The following DNAH1 variants were observed in gnomAD, a reference collection of about 807,000 sequenced individuals.
The protein encoded by DNAH1 is axonemal beta dynein heavy chain 1.
In DNAH1, 327 loss-of-function variants were observed where a neutral mutation model predicts 484.3. That is an observed-to-expected ratio of 0.68 (90% confidence interval 0.62 to 0.74). The LOEUF is 0.74. Ranked by LOEUF, DNAH1 falls within the 30% of genes least tolerant of loss-of-function variation. The probability of loss-of-function intolerance (pLI) is 0.00; values close to 1 mark genes in which losing one functional copy is unlikely to be tolerated. For synonymous variants in DNAH1, 2,192 were observed against 2,191.9 expected (o/e 1.00, Z 0.00); for missense variants, 5,052 against 5,546.8 (o/e 0.91, Z 2.83).
intron 1 of DNAH1, among the ~76,000 whole-genome samples, chr3:52,320,251 G>A (rs944228969): frequency 6.6e-6 from 1 of 152,204 alleles, no homozygotes; most frequent in Admixed American, 6.5e-5. Context: ...AGGGTACTTC[G>A]GGAAGTGTTG....
rs1268065530 is a variant in DNAH1, at chr3:52,379,962, C to T, written c.7435C>T (p.Arg2479Ter). ...YHENCRVFRD[R>*]LVNEEDRSWF... ...CGAGAACTGCCGCGTGTTCCGGGAC[C>T]GACTGGTGAATGAGGAGGACCGCAG... Residue 2479 changes from arginine to a stop codon, truncating the protein, a stop_gained, in exon 48 of 78, where the codon CGA becomes TGA. Coordinates refer to ENST00000420323, the MANE Select transcript of DNAH1 (RefSeq NM_015512.5). LOFTEE classifies it high-confidence loss of function. This position sits in a 1 kb window ranked among gnomAD's most constrained non-coding sequence, Gnocchi z 4.4. The T allele has an allele frequency of 1.5e-5, 23 of 1,583,504 alleles. No individual in the cohort carries two copies. In the Admixed American group the frequency reaches 2.2e-4, roughly 15 times the overall value.
rs2153225157 is a variant in DNAH1 at position 52,381,750 on chromosome 3, C to T, written c.7719C>T (p.Arg2573=). ...DAMSHICRIS[R]TLRQALGNAL... ...TGAGCCACATCTGTCGCATCAGCCG[C>T]ACCCTACGCCAGGCGCTGGGCAATG... The change falls in exon 49 of 78, where the codon CGC becomes CGT. Residue 2573 remains arginine, a synonymous_variant. Transcript: ENST00000420323. This position sits in a 1 kb window ranked among gnomAD's most constrained non-coding sequence, Gnocchi z 4.1. 6.2e-7 allele frequency: 1 copy of T among 1,604,790 alleles called. No homozygotes were observed. The highest frequency in any genetic ancestry group is 8.5e-7 in the Non-Finnish European group (1 of 1,176,490).
In DNAH1 at chr3:52,349,012, T is replaced by C; in HGVS notation, c.2231T>C (p.Leu744Pro). 1 of 1,613,290 alleles carries C rather than the reference T, an allele frequency of 6.2e-7. No homozygotes were observed. Among genetic ancestry groups the C allele is most frequent in the Non-Finnish European group, 8.5e-7 (1 of 1,179,904 alleles). Residue 744 changes from leucine (L) to proline (P), a missense_variant, in exon 13 of 78, where the codon CTG becomes CCG. Physicochemically the swap from Leu to Pro is moderately conservative, Grantham distance 98. This residue lies in a region of DNAH1 where 1,263 missense variants were observed against 1,218.8 expected (regional missense o/e 1.04). Coordinates refer to ENST00000420323, the MANE Select transcript of DNAH1 (RefSeq NM_015512.5). ...ASAVSKAMIPLQAYAKEYRKY... is the reference protein window; with the variant it reads ...ASAVSKAMIPPQAYAKEYRKY... ...GCCGTGTCCAAGGCCATGATCCCACTGCAGGCCTACGCCAAGGAGTACCGA... is the reference window on the plus strand; with the variant it reads ...GCCGTGTCCAAGGCCATGATCCCACCGCAGGCCTACGCCAAGGAGTACCGA...
rs1241657830 is a variant in DNAH1, at chr3:52,355,778, C to T, written c.3693+723C>T. On this transcript the variant is annotated intron_variant, in intron 21 of 77. Transcript: ENST00000420323. This position sits in a 1 kb window ranked among gnomAD's most constrained non-coding sequence, Gnocchi z 4.5. ...TGTCCACTCGACCTGGAGTTTGACACCCGCCTTCCATCTCCTCCAAGGCCC... is the reference window on the plus strand; with the variant it reads ...TGTCCACTCGACCTGGAGTTTGACATCCGCCTTCCATCTCCTCCAAGGCCC... Among the ~76,000 whole-genome samples the T allele has an allele frequency of 6.6e-6, 1 of 152,250 alleles. No homozygotes were observed. The highest frequency in any genetic ancestry group is 1.5e-5 in the Non-Finnish European group (1 of 68,040).
At chr3:52,349,885 G>T (rs1438320488) in intron 14 of DNAH1, 104 bp from the exon 15 acceptor site, 1 of 1,464,848 alleles carries the variant, frequency 6.8e-7, no homozygotes, top group African/African-American at 1.4e-5. Flanking sequence ...TGGTGGAGGG[G>T]ACAGTTACCT....
upstream of DNAH1, among the ~76,000 whole-genome samples, chr3:52,315,259 G>A (rs929777064): frequency 3.9e-5 from 6 of 152,242 alleles, no homozygotes; most frequent in Non-Finnish European, 8.8e-5. Context: ...GGGCCCAAGA[G>A]GGAGGCTGGG....
Position 52,326,025 on chromosome 3 carries a change from A to C in DNAH1, c.407-115A>C. On this transcript the variant is annotated intron_variant, in intron 3 of 77. Coordinates refer to ENST00000420323, the MANE Select transcript of DNAH1 (RefSeq NM_015512.5). The stretch of plus-strand genomic sequence containing the variant: ...ACTGCCCAGCCACAGGCAAGCTTTG[A>C]GCTTCCCACACTCCAAAGCATACTA... The C allele has an allele frequency of 5.5e-6, 6 of 1,084,070 alleles. No individual in the cohort carries two copies. In the South Asian group the frequency reaches 1.3e-4, roughly 23 times the overall value. 67.2% of individuals were successfully genotyped at this position (1,084,070 alleles called of 1,614,324 possible).
At position 52,386,731 on chromosome 3, in the gene DNAH1, A is replaced by C. The variant is rs745558710; in HGVS notation, c.8881A>C (p.Ile2961Leu). The change falls in exon 56 of 78, where the codon ATC becomes CTC. Residue 2961 changes from isoleucine (I) to leucine (L), a missense_variant. By Grantham distance (5) the Ile-to-Leu change is conservative. Around this residue, in one of 4 missense-constraint regions of DNAH1, gnomAD observed 2,929 missense variants for 3,409.4 expected, o/e 0.86. Coordinates refer to ENST00000420323, the MANE Select transcript of DNAH1 (RefSeq NM_015512.5). The part of the protein sequence containing the change: ...VIEAVCIMKG[I>L]KPKKVPGEKP... Reference sequence around the variant, plus strand: ...AGAAGCTGTGTGCATTATGAAAGGCATCAAGCCCAAGAAGGTGCCTGGAGA... The same window carrying C: ...AGAAGCTGTGTGCATTATGAAAGGCCTCAAGCCCAAGAAGGTGCCTGGAGA... 6.3e-7 allele frequency: 1 copy of C among 1,590,540 alleles called. No homozygotes were observed. Among genetic ancestry groups the C allele is most frequent in the Non-Finnish European group, 8.6e-7 (1 of 1,168,814 alleles).
chr3:52,393,092 G>A lies in DNAH1; in HGVS notation c.10474+67G>A, dbSNP rs1409380619. On this transcript the variant is annotated intron_variant, in intron 65 of 77. Coordinates refer to ENST00000420323, the MANE Select transcript of DNAH1 (RefSeq NM_015512.5). ...CCCATGTGGACACATTTCCACTGTG[G>A]GGCACACACAAACTCACAACTGTGT... 8.3e-6 allele frequency: 13 copies of A among 1,560,238 alleles called. No individual in the cohort carries two copies. The Admixed American group carries it at 1.9e-4, about 23-fold the overall frequency.
rs199996069 is a variant in DNAH1 at position 52,347,837 on chromosome 3, C to G, written c.1969C>G (p.Pro657Ala). The change falls in exon 12 of 78, where the codon CCC becomes GCC. Residue 657 changes from proline (P) to alanine (A), a missense_variant. Transcript: ENST00000420323. ...CATTGCCTGCAGGCCCCGGAAGAAT[C>G]CCCTGTTCATCATGGACCTGGTGCT... is the stretch of plus-strand genomic sequence containing the variant. ...INSPYRPRKN[P>A]LFIMDLVLDS... 6.0e-4 allele frequency: 961 copies of G among 1,593,138 alleles called. 17 individuals carry two copies. In the South Asian group the frequency reaches 0.01, roughly 17 times the overall value.
intron 44 of DNAH1, 91 bp from the exon 45 acceptor site, chr3:52,375,149 A>G (rs1259988866): frequency 7.1e-7 from 1 of 1,398,850 alleles, no homozygotes; most frequent in Non-Finnish European, 9.6e-7. Flanking sequence ...GTTCTAAAGT[A>G]TAATTTTGAA....
At position 52,362,823 on chromosome 3, in the gene DNAH1, A is replaced by G. The variant is rs1208853648; in HGVS notation, c.5095-172A>G. The stretch of plus-strand genomic sequence containing the variant: ...GTGGGGGCAGGTTTGGATCAACACC[A>G]AGGATCCACTCTAATGGCAGAGCTA... On this transcript the variant is annotated intron_variant, in intron 31 of 77. Coordinates refer to ENST00000420323, the MANE Select transcript of DNAH1 (RefSeq NM_015512.5). The surrounding 1 kb of genome is among the most constrained non-coding windows in gnomAD (Gnocchi z 5.1). 2.0e-5 allele frequency among the ~76,000 whole-genome samples: 3 copies of G among 152,160 alleles called. No homozygotes were observed. Among genetic ancestry groups the G allele is most frequent in the Non-Finnish European group, 2.9e-5 (2 of 68,020 alleles).
upstream of DNAH1, among the ~76,000 whole-genome samples, chr3:52,314,514 G>A (rs1199953884): frequency 6.6e-6 from 1 of 152,230 alleles, no homozygotes; most frequent in African/African-American, 2.4e-5. Context: ...TGGCCCCGAT[G>A]TGGGTTGCTC....
intron 8 of DNAH1, among the ~76,000 whole-genome samples, chr3:52,333,712 G>A (rs1578088329): frequency 6.6e-6 from 1 of 152,168 alleles, no homozygotes; most frequent in South Asian, 2.1e-4. Flanking sequence ...TTATGATGGT[G>A]TGAAAGTGAT....
intron 8 of DNAH1, among the ~76,000 whole-genome samples, chr3:52,340,662 T>A (rs1270609366): frequency 1.3e-5 from 2 of 152,078 alleles, no homozygotes; most frequent in African/African-American, 4.8e-5. Flanking sequence ...CTTGAACTCC[T>A]GACCTCAGGT....
In DNAH1 at chr3:52,361,275, C is replaced by T. The variant is rs1702846615; in HGVS notation, c.4797C>T (p.Ala1599=). 18 of 1,612,168 alleles carry T rather than the reference C, an allele frequency of 1.1e-5. No individual in the cohort carries two copies. The highest frequency in any genetic ancestry group is 1.4e-5 in the Non-Finnish European group (17 of 1,179,346). The change falls in exon 29 of 78, where the codon GCC becomes GCT. Residue 1599 remains alanine (A), a synonymous_variant. Transcript: ENST00000420323. The surrounding 1 kb of genome is among the most constrained non-coding windows in gnomAD (Gnocchi z 5.6). ...CCAAAGACCTGGGTAAGGCCTTGGCCATACAGACCGTTGTGTTCAACTGCT... is the reference window on the plus strand; with the variant it reads ...CCAAAGACCTGGGTAAGGCCTTGGCTATACAGACCGTTGTGTTCAACTGCT... ...ETTKDLGKAL[A]IQTVVFNCSD...
Position 52,399,777 on chromosome 3 carries a change from C to G in DNAH1, c.12674C>G (p.Ala4225Gly). 3 of 1,613,416 alleles carry G rather than the reference C, an allele frequency of 1.9e-6. No homozygotes were observed. The highest frequency in any genetic ancestry group is 2.2e-5 in the East Asian group (1 of 44,878). ...LCPIYKTLTR[A>G]GTLSTTGHST... ...CCCATCTACAAGACACTGACTCGTG[C>G]TGGTATGAGGCCTGGGATGGGAGCC... The change falls in exon 77 of 78, where the codon GCT (alanine) becomes GGT (glycine). Residue 4225 changes from alanine (A) to glycine (G), a missense_variant and splice_region_variant. Transcript: ENST00000420323.
chr3:52,321,101 T>G (rs913729357), intron 1 of DNAH1, among the ~76,000 whole-genome samples: 8 of 148,092 alleles, frequency 5.4e-5, no homozygotes, highest in Non-Finnish European at 8.9e-5. Flanking sequence ...AGCCTGGCCA[T>G]TTCTTTCTTT....
In DNAH1 at chr3:52,366,724, G is replaced by A. The variant is rs3752819; in HGVS notation, c.5611-9G>A. ...TGGGAGCCTCACTCTCAGGCGGTCC[G>A]TCTCCCAGTGTTACAGAGTCCTGGC... On this transcript the variant is annotated splice_polypyrimidine_tract_variant and intron_variant, in intron 35 of 77. Coordinates refer to ENST00000420323, the MANE Select transcript of DNAH1 (RefSeq NM_015512.5). The A allele has an allele frequency of 6.7e-4, 1,078 of 1,603,862 alleles. 1 individual carries two copies. Among genetic ancestry groups the A allele is most frequent in the African/African-American group, 3.1e-3 (232 of 74,584 alleles).
Sources: gnomAD v4.1 joint callset for allele counts (sites outside exome capture counted in the v4.1 genomes callset) on GRCh38, gnomAD v4.1.1 for gene constraint, gnomAD v4.1.1 regional missense constraint, Gnocchi (gnomAD v3.1) non-coding constraint, MANE v1.5 for transcripts, NCBI Gene and HGNC (gene_info 2026-07-23, HGNC 2026-07-21) for gene names.